USH2A: variants seen among roughly 807,000 people sequenced by gnomAD.
USH2A encodes the protein usherin.
In USH2A, 443 loss-of-function variants were observed where a neutral mutation model predicts 538.9. The ratio of observed to expected loss-of-function variants is 0.82; its 90% CI spans 0.76 to 0.89. USH2A has a LOEUF of 0.89. Among genes scored for constraint, USH2A ranks in the 40% least tolerant of loss-of-function variants. The pLI is 0.00. For synonymous variants in USH2A, 2,413 were observed against 2,273.5 expected, an observed-to-expected ratio of 1.06 and a Z score of -1.75; for missense variants, 6,633 against 6,324.8, an observed-to-expected ratio of 1.05 and a Z score of -1.65.
At chr1:216,137,268 TAA>T (rs1558277908) in intron 21 of USH2A, among the ~76,000 whole-genome samples, 1 of 152,042 alleles carries the variant, frequency 6.6e-6, no homozygotes, top group Admixed American at 6.6e-5. Flanking sequence ...ACGCTGCTGA[TAA>T]AGACATACCC....
intron 14 of USH2A, among the ~76,000 whole-genome samples, chr1:216,230,517 A>G (rs2035656185): frequency 6.6e-6 from 1 of 152,208 alleles, no homozygotes; most frequent in Non-Finnish European, 1.5e-5. Flanking sequence ...AAAATTTTAA[A>G]TGATTTTTGT....
intron 21 of USH2A, among the ~76,000 whole-genome samples, chr1:216,157,960 TGAAAAA>T (rs2033983176): frequency 6.6e-6 from 1 of 151,886 alleles, no homozygotes; most frequent in Admixed American, 6.6e-5. Context: ...AATGTTAAAA[TGAAAAA>T]GAAGAAATTT....
chr1:216,025,506 A>G (rs1310649969), intron 32 of USH2A, among the ~76,000 whole-genome samples: 1 of 152,026 alleles, frequency 6.6e-6, no homozygotes, highest in Non-Finnish European at 1.5e-5. Context: ...TTAAAGTCAC[A>G]TATTTATTTA....
chr1:216,402,397 A>G (rs1396850140), intron 3 of USH2A, among the ~76,000 whole-genome samples: 1 of 152,138 alleles, frequency 6.6e-6, no homozygotes, highest in Non-Finnish European at 1.5e-5. Context: ...ACATGAAAAT[A>G]TAGCTGACCT....
chr1:216,240,389 G>A (rs1296074846), intron 13 of USH2A, among the ~76,000 whole-genome samples: 1 of 152,038 alleles, frequency 6.6e-6, no homozygotes. Context: ...CCAACTGTTT[G>A]GTCGAACATG....
At chr1:216,074,045 C>A (rs2102550082) in intron 27 of USH2A, among the ~76,000 whole-genome samples, 1 of 152,352 alleles carries the variant, frequency 6.6e-6, no homozygotes, top group Non-Finnish European at 1.5e-5. Flanking sequence ...ATGGAATGTG[C>A]ATTCTGCACA....
At chr1:215,627,083 T>G (rs993442315) in intron 71 of USH2A, among the ~76,000 whole-genome samples, 1 of 152,194 alleles carries the variant, frequency 6.6e-6, no homozygotes, top group African/African-American at 2.4e-5. Context: ...TATACAATCA[T>G]TCTGAACAGG....
At chr1:215,874,562 G>A (rs1233538421) in intron 43 of USH2A, among the ~76,000 whole-genome samples, 1 of 152,126 alleles carries the variant, frequency 6.6e-6, no homozygotes, top group African/African-American at 2.4e-5. Flanking sequence ...GCTTTTCTAT[G>A]CGTTATAAAC....
chr1:216,387,818 A>T (rs2039031976), intron 3 of USH2A, among the ~76,000 whole-genome samples: 2 of 152,134 alleles, frequency 1.3e-5, no homozygotes, highest in Admixed American at 6.5e-5. Context: ...ACCTGAAAGG[A>T]CACCTCCATC....
At chr1:216,293,928 T>G (rs1302399542) in intron 9 of USH2A, among the ~76,000 whole-genome samples, 1 of 152,216 alleles carries the variant, frequency 6.6e-6, no homozygotes, top group African/African-American at 2.4e-5. Context: ...ATATTCAATG[T>G]TACCCAACAC....
intron 61 of USH2A, among the ~76,000 whole-genome samples, chr1:215,705,483 T>A (rs1272683152): frequency 6.6e-6 from 1 of 152,252 alleles, no homozygotes; most frequent in Non-Finnish European, 1.5e-5. Flanking sequence ...AACTGCCATC[T>A]ACAGTGATTA....
At chr1:216,045,883 C>T (rs569308577) in intron 32 of USH2A, among the ~76,000 whole-genome samples, 169 of 152,242 alleles carry the variant, frequency 1.1e-3, no homozygotes, top group African/African-American at 3.9e-3. Context: ...TTTTTAGCTT[C>T]AGTTTCACCA....
Position 215,888,781 on chromosome 1 carries a change from G to A in USH2A, c.7868C>T (p.Ala2623Val). ...ESQTVWTLPG[A>V]PEGIPSPELF... ...CTCTGGACTTGGGATCCCTTCCGGT[G>A]CCCCTGGGAGTGTCCATACAGTCTG... Residue 2623 changes from alanine to valine, a missense_variant, in exon 41 of 72, where the codon GCA becomes GTA. Physicochemically the swap from Ala to Val is moderately conservative, Grantham distance 64. Coordinates refer to ENST00000307340, the MANE Select transcript of USH2A (RefSeq NM_206933.4). 6.2e-7 allele frequency: 1 copy of A among 1,614,086 alleles called. No homozygotes were observed. Among genetic ancestry groups the A allele is most frequent in the Non-Finnish European group, 8.5e-7 (1 of 1,179,982 alleles).
At chr1:216,160,964 T>C (rs760368935) in intron 21 of USH2A, among the ~76,000 whole-genome samples, 1 of 152,158 alleles carries the variant, frequency 6.6e-6, no homozygotes, top group Non-Finnish European at 1.5e-5. Context: ...CTCTATTGAA[T>C]TGATCTTTTT....
chr1:215,774,251 T>C (rs749669475), intron 55 of USH2A, among the ~76,000 whole-genome samples: 4 of 152,096 alleles, frequency 2.6e-5, no homozygotes, highest in Non-Finnish European at 5.9e-5. Context: ...TTATTAATTC[T>C]ATATTTCATT....
intron 62 of USH2A, among the ~76,000 whole-genome samples, chr1:215,679,162 C>A (rs1482442440): frequency 6.6e-6 from 1 of 152,214 alleles, no homozygotes; most frequent in East Asian, 1.9e-4. Context: ...CAGGATGGAC[C>A]TGGGACTGTG....
intron 3 of USH2A, among the ~76,000 whole-genome samples, chr1:216,394,449 T>C (rs1289030130): frequency 6.6e-6 from 1 of 152,150 alleles, no homozygotes; most frequent in Admixed American, 6.5e-5. Flanking sequence ...ATTGGTTGGA[T>C]GGTGGTTATG....
At chr1:215,965,203 T>C (rs1667307904) in intron 37 of USH2A, 114 bp downstream of exon 37, 9 of 1,238,390 alleles carry the variant, frequency 7.3e-6, no homozygotes, top group South Asian at 1.4e-5. Flanking sequence ...TTCAGGAAAA[T>C]AAAGAAACCA....
chr1:215,785,935 A>G (rs1020668225), intron 52 of USH2A, among the ~76,000 whole-genome samples: 11 of 54,578 alleles, frequency 2.0e-4, no homozygotes, highest in African/African-American at 6.6e-4. Flanking sequence ...TAGATGATAC[A>G]CACACACACA....
Sources: allele counts gnomAD v4.1 joint callset (sites outside exome capture counted in the v4.1 genomes callset), GRCh38; gene constraint gnomAD v4.1.1; transcripts MANE v1.5; gene names NCBI Gene and HGNC (gene_info 2026-07-23, HGNC 2026-07-21).